The following VARS2 variants were observed in gnomAD, a reference collection of about 807,000 sequenced individuals.
The protein encoded by VARS2 is valyl-tRNA synthetase 2, mitochondrial.
In VARS2, 105 loss-of-function variants were observed where a neutral mutation model predicts 154.1. The ratio of observed to expected loss-of-function variants is 0.68; its 90% CI spans 0.58 to 0.80. The LOEUF is 0.80. Among genes scored for constraint, VARS2 ranks in the 30% least tolerant of loss-of-function variants. The pLI, the probability that VARS2 is intolerant of heterozygous loss-of-function variation, is 0.00. For synonymous variants in VARS2, 483 were observed against 539.5 expected, an observed-to-expected ratio of 0.90 and a Z score of 1.45; for missense variants, 1,157 against 1,361.4, an observed-to-expected ratio of 0.85 and a Z score of 2.36.
chr6:30,917,272 T>A lies in VARS2; in HGVS notation c.873+48T>A. ...GGTTTGTGAGAGCTCTGAGGCAGAG[T>A]GGTCAATGATTAAGAGCTCAGACTC... On this transcript the variant is annotated intron_variant, in intron 9 of 29. Coordinates refer to ENST00000676266, the MANE Select transcript of VARS2 (RefSeq NM_020442.6). This position sits in a 1 kb window ranked among gnomAD's most constrained non-coding sequence, Gnocchi z 4.4. 6.2e-7 allele frequency: 1 copy of A among 1,612,736 alleles called. No homozygotes were observed. The highest frequency in any genetic ancestry group is 8.5e-7 in the Non-Finnish European group (1 of 1,179,718).
intron 10 of VARS2, 187 bp from the exon 11 acceptor site, chr6:30,918,640 T>C: frequency 1.4e-6 from 1 of 708,348 alleles, no homozygotes; most frequent in South Asian, 2.0e-5. Context: ...CCTCTGGTCA[T>C]CAGCTTATGG....
Position 30,921,496 on chromosome 6 carries a change from C to A in VARS2, c.1633-93C>A. 1 of 1,495,458 alleles carries A rather than the reference C, an allele frequency of 6.7e-7. No homozygotes were observed. The highest frequency in any genetic ancestry group is 1.2e-5 in the South Asian group (1 of 83,160). The allele number at this position is 1,495,458 out of a possible 1,614,324, so 92.6% of individuals were successfully genotyped here. Reference sequence around the variant, plus strand: ...TCTCACCCCTGGGGGAACCTGGCCACTCTAAGACCACATGAGGACGTGAAA... The same window carrying A: ...TCTCACCCCTGGGGGAACCTGGCCAATCTAAGACCACATGAGGACGTGAAA... On this transcript the variant is annotated intron_variant, in intron 17 of 29. Transcript: ENST00000676266. The surrounding 1 kb of genome is among the most constrained non-coding windows in gnomAD (Gnocchi z 4.6).
chr6:30,923,957 C>G, intron 25 of VARS2: 1 of 362,922 alleles, frequency 2.8e-6, no homozygotes, highest in South Asian at 2.9e-5. Context: ...CAGAGTGGCT[C>G]CTTTAGCAGG....
chr6:30,921,254 G>A lies in VARS2; in HGVS notation c.1581G>A (p.Leu527=). 1 of 1,614,166 alleles carries A rather than the reference G, an allele frequency of 6.2e-7. No individual in the cohort carries two copies. The highest frequency in any genetic ancestry group is 8.5e-7 in the Non-Finnish European group (1 of 1,180,036). ...HIGDWCVSRQ[L]WWGHQIPAYL... is the part of the protein sequence containing the mutation. Reference sequence around the variant, plus strand: ...GGGACTGGTGTGTCTCCCGGCAGCTGTGGTGGGGCCATCAGATTCCAGCCT... The same window carrying A: ...GGGACTGGTGTGTCTCCCGGCAGCTATGGTGGGGCCATCAGATTCCAGCCT... The change falls in exon 17 of 30, where the codon CTG becomes CTA. Residue 527 remains leucine (L), a synonymous_variant. Coordinates refer to ENST00000676266, the MANE Select transcript of VARS2 (RefSeq NM_020442.6). This position sits in a 1 kb window ranked among gnomAD's most constrained non-coding sequence, Gnocchi z 4.6.
chr6:30,915,477 G>T (rs778476344), intron 4 of VARS2, 22 bp downstream of exon 4: 1 of 1,607,086 alleles, frequency 6.2e-7, no homozygotes, highest in Non-Finnish European at 8.5e-7. Context: ...GCAGGGAGGG[G>T]TCCTAAATTG....
rs763577301 is a variant in VARS2 at position 30,921,076 on chromosome 6, G to A, written c.1491G>A (p.Ser497=). The stretch of plus-strand genomic sequence containing the variant: ...CCCTTTCTCTCCAGGCTGTGGAGTC[G>A]GGGGCCCTGGAGCTCAGTCCCTCCT... ...MGARAAKAVE[S]GALELSPSFH... The change falls in exon 16 of 30, where the codon TCG becomes TCA. Residue 497 remains serine, a synonymous_variant. Coordinates refer to ENST00000676266, the MANE Select transcript of VARS2 (RefSeq NM_020442.6). The surrounding 1 kb of genome is among the most constrained non-coding windows in gnomAD (Gnocchi z 4.6). 17 of 1,612,320 alleles carry A rather than the reference G, an allele frequency of 1.1e-5. No individual in the cohort carries two copies. In the African/African-American group the frequency reaches 1.3e-4, roughly 13 times the overall value.
In VARS2 at chr6:30,917,680, T is replaced by C; in HGVS notation, c.874-15T>C. On this transcript the variant is annotated splice_polypyrimidine_tract_variant and intron_variant, in intron 9 of 29. Coordinates refer to ENST00000676266, the MANE Select transcript of VARS2 (RefSeq NM_020442.6). The surrounding 1 kb of genome is among the most constrained non-coding windows in gnomAD (Gnocchi z 4.4). Reference sequence around the variant, plus strand: ...GAAAGGCTGCCCTCTGACCCAGCTTTCTCGGTGCCTCCAGGTGGAGAACCG... The same window carrying C: ...GAAAGGCTGCCCTCTGACCCAGCTTCCTCGGTGCCTCCAGGTGGAGAACCG... 6.5e-7 allele frequency: 1 copy of C among 1,546,758 alleles called. No homozygotes were observed. Among genetic ancestry groups the C allele is most frequent in the South Asian group, 1.2e-5 (1 of 84,052 alleles).
intron 25 of VARS2, chr6:30,923,931 C>CT (rs1794690281): frequency 8.6e-6 from 3 of 349,058 alleles, no homozygotes; most frequent in Non-Finnish European, 1.6e-5. Context: ...GGATCCCCCC[C>CT]GCTCCACTGC....
Position 30,916,142 on chromosome 6 carries a change from C to A in VARS2, c.574-10C>A. On this transcript the variant is annotated splice_polypyrimidine_tract_variant and intron_variant, in intron 6 of 29. Coordinates refer to ENST00000676266, the MANE Select transcript of VARS2 (RefSeq NM_020442.6). This position sits in a 1 kb window ranked among gnomAD's most constrained non-coding sequence, Gnocchi z 4.0. ...CTGACTCTGTTCATTTGCCCTGAAT[C>A]CAACTGCAGGCTGTGGTGGAGAAAC... is the stretch of plus-strand genomic sequence containing the variant. The A allele has an allele frequency of 6.2e-7, 1 of 1,613,818 alleles. No individual in the cohort carries two copies. The highest frequency in any genetic ancestry group is 8.5e-7 in the Non-Finnish European group (1 of 1,179,824).
intron 10 of VARS2, 125 bp from the exon 11 acceptor site, chr6:30,918,701 TG>T: frequency 2.8e-6 from 2 of 715,492 alleles, no homozygotes; most frequent in Non-Finnish European, 2.4e-6. Context: ...TAGTCACTCC[TG>T]GGGGCCTCTT....
chr6:30,924,441 C>CTCCTGGCCCCACTGATGCCCT lies in VARS2; in HGVS notation c.2562_2582dup (p.Pro855_Ala861dup). ...CTCCTGCGCTGACCTCGGCCTCCGC[C>CTCCTGGCCCCACTGATGCCCT]TCCTGGCCCCACTGATGCCCTTCCT... On this transcript the variant is annotated inframe_insertion, in exon 26 of 30. Coordinates refer to ENST00000676266, the MANE Select transcript of VARS2 (RefSeq NM_020442.6). The CTCCTGGCCCCACTGATGCCCT allele has an allele frequency of 6.2e-7, 1 of 1,612,806 alleles. No homozygotes were observed. Among genetic ancestry groups the CTCCTGGCCCCACTGATGCCCT allele is most frequent in the Non-Finnish European group, 8.5e-7 (1 of 1,179,922 alleles).
rs1484863591 is a variant in VARS2, at chr6:30,923,516, C to G, written c.2466+11C>G. 6.2e-7 allele frequency: 1 copy of G among 1,603,322 alleles called. No individual in the cohort carries two copies. Among genetic ancestry groups the G allele is most frequent in the Non-Finnish European group, 8.5e-7 (1 of 1,174,780 alleles). On this transcript the variant is annotated intron_variant, in intron 25 of 29. Transcript: ENST00000676266. Reference sequence around the variant, plus strand: ...TGTGACGTCTACCTGGTGAGTGAGGCTGGGGGAGGCTTGGTATTCCCATGC... The same window carrying G: ...TGTGACGTCTACCTGGTGAGTGAGGGTGGGGGAGGCTTGGTATTCCCATGC...
In VARS2 at chr6:30,923,471, ACTTCTGG is replaced by A. The variant is rs1361907804; in HGVS notation, c.2437_2443del (p.Trp813ThrfsTer11). ...TCGCTCGTCACTCATGCCCTGCACC[ACTTCTGG>A]CTTCACAACCTCTGTGACGTCTACC... is the stretch of plus-strand genomic sequence containing the variant. On this transcript the variant is annotated frameshift_variant, in exon 25 of 30. Coordinates refer to ENST00000676266, the MANE Select transcript of VARS2 (RefSeq NM_020442.6). LOFTEE classifies it high-confidence loss of function. 6.2e-7 allele frequency: 1 copy of A among 1,611,974 alleles called. No homozygotes were observed. The highest frequency in any genetic ancestry group is 1.7e-5 in the Admixed American group (1 of 60,028).
At position 30,919,827 on chromosome 6, in the gene VARS2, G is replaced by C; in HGVS notation, c.1144G>C (p.Val382Leu). The change falls in exon 12 of 30, where the codon GTT becomes CTT. Residue 382 changes from valine to leucine, a missense_variant. Transcript: ENST00000676266. The surrounding 1 kb of genome is among the most constrained non-coding windows in gnomAD (Gnocchi z 4.5). ...QPLPLITDYAVQPHVGTGAVK... is the reference protein window; with the variant it reads ...QPLPLITDYALQPHVGTGAVK... ...TCTTCCCCTCATCACAGACTATGCT[G>C]TTCAGCCACATGTGGGCACGGGTGA... 6.3e-7 allele frequency: 1 copy of C among 1,589,120 alleles called. No homozygotes were observed. The highest frequency in any genetic ancestry group is 1.1e-5 in the South Asian group (1 of 89,452).
chr6:30,922,146 T>C lies in VARS2; in HGVS notation c.1837T>C (p.Ser613Pro), dbSNP rs1794557992. 1 of 1,612,658 alleles carries C rather than the reference T, an allele frequency of 6.2e-7. No homozygotes were observed. The highest frequency in any genetic ancestry group is 8.5e-7 in the Non-Finnish European group (1 of 1,179,908). Reference protein sequence around the residue: ...TPDLARFYPLSLLETGSDLLL... With the variant: ...TPDLARFYPLPLLETGSDLLL... ...AGACCTTGCTCGTTTCTACCCCCTGTCACTTTTGGAAACGGGCAGCGACCT... is the reference window on the plus strand; with the variant it reads ...AGACCTTGCTCGTTTCTACCCCCTGCCACTTTTGGAAACGGGCAGCGACCT... The change falls in exon 20 of 30, where the codon TCA (serine) becomes CCA (proline). Residue 613 changes from serine (S) to proline (P), a missense_variant. By Grantham distance (74) the Ser-to-Pro change is moderately conservative. Transcript: ENST00000676266.
rs142823593 is a variant in VARS2 at position 30,918,774 on chromosome 6, A to C, written c.986-53A>C. On this transcript the variant is annotated intron_variant, in intron 10 of 29. Transcript: ENST00000676266. ...TTCTACTGCCTTTAGCTATGTTGGC[A>C]GTGAGAGGTGAGGATGATGACCAGC... 9.5e-5 allele frequency: 115 copies of C among 1,205,020 alleles called. 2 individuals carry two copies. In the East Asian group the frequency reaches 2.6e-3, roughly 27 times the overall value. 74.6% of individuals were successfully genotyped at this position (1,205,020 alleles called of 1,614,324 possible).
chr6:30,915,418 G>T lies in VARS2; in HGVS notation c.347G>T (p.Trp116Leu), dbSNP rs1794092575. ...PRYVEAAWYP[W>L]WVREGFFKPE... ...TATGTTGAGGCTGCCTGGTACCCGT[G>T]GTGGGTACGAGAGGGCTTCTTCAAA... Residue 116 changes from tryptophan (W) to leucine (L), a missense_variant, in exon 4 of 30, where the codon TGG becomes TTG. Physicochemically the swap from Trp to Leu is moderately conservative, Grantham distance 61 (BLOSUM62 -2). Transcript: ENST00000676266. 6.2e-7 allele frequency: 1 copy of T among 1,614,050 alleles called. No homozygotes were observed. The highest frequency in any genetic ancestry group is 1.7e-5 in the Admixed American group (1 of 60,000).
chr6:30,923,703 G>A, intron 25 of VARS2, 198 bp downstream of exon 25: 1 of 689,302 alleles, frequency 1.5e-6, no homozygotes, highest in South Asian at 2.3e-5. Flanking sequence ...TTGCCTGCCT[G>A]TCACCTGGGG....
chr6:30,918,123 C>T (rs1794292370), intron 10 of VARS2, among the ~76,000 whole-genome samples: 1 of 152,218 alleles, frequency 6.6e-6, no homozygotes, highest in South Asian at 2.1e-4. Context: ...GGCTGCAGTG[C>T]AATGGCACGA....
Sources: gnomAD v4.1 joint callset for allele counts (sites outside exome capture counted in the v4.1 genomes callset) on GRCh38, gnomAD v4.1.1 for gene constraint, Gnocchi (gnomAD v3.1) non-coding constraint, MANE v1.5 for transcripts, NCBI Gene and HGNC (gene_info 2026-07-23, HGNC 2026-07-21) for gene names.